NRXN3: variants seen among roughly 807,000 people sequenced by gnomAD.
NRXN3 encodes the protein neurexin III.
A neutral mutation model predicts 137.6 loss-of-function variants in NRXN3; 32 were observed. The ratio of observed to expected loss-of-function variants is 0.23; its 90% CI spans 0.18 to 0.31. The LOEUF (loss-of-function observed/expected upper bound fraction) is 0.31. Among genes scored for constraint, NRXN3 ranks in the 10% least tolerant of loss-of-function variants. The pLI is 1.00. For synonymous variants in NRXN3, 798 were observed against 784.5 expected (o/e 1.02, Z -0.29); for missense variants, 1,574 against 2,062.5 (o/e 0.76, Z 4.59).
intron 15 of NRXN3, among the ~76,000 whole-genome samples, chr14:79,236,926 T>A (rs984455502): frequency 7.2e-5 from 11 of 152,026 alleles, no homozygotes; most frequent in African/African-American, 2.7e-4. Flanking sequence ...ATATATATAT[T>A]TTTAAAAGTG....
At chr14:78,538,776 G>C (rs2096561015) in intron 4 of NRXN3, among the ~76,000 whole-genome samples, 1 of 152,166 alleles carries the variant, frequency 6.6e-6, no homozygotes, top group Non-Finnish European at 1.5e-5. Context: ...TTATTATTTT[G>C]AGATAAGTTC....
At chr14:79,092,527 A>G (rs769176848) in intron 15 of NRXN3, among the ~76,000 whole-genome samples, 7 of 152,176 alleles carry the variant, frequency 4.6e-5, no homozygotes, top group Non-Finnish European at 1.5e-5. Flanking sequence ...TTTTAGTTTT[A>G]ATAAATGGTG....
rs1468609511 is a variant in NRXN3 at position 79,309,738 on chromosome 14, A to G, written c.3263-157483A>G. On this transcript the variant is annotated intron_variant, in intron 15 of 20. Transcript: ENST00000335750. ...GGCTGCATAAATGTCTTCTTTTGAG[A>G]AGTGTCTGTTCATGTCCTTCACCCA... Among the ~76,000 whole-genome samples, 5 of 148,186 alleles carry G rather than the reference A, an allele frequency of 3.4e-5. No individual in the cohort carries two copies. In the East Asian group the frequency reaches 1.0e-3, roughly 30 times the overall value.
chr14:78,815,090 G>A (rs530579705), intron 10 of NRXN3, among the ~76,000 whole-genome samples: 1 of 152,086 alleles, frequency 6.6e-6, no homozygotes, highest in South Asian at 2.1e-4. Flanking sequence ...TTGTGAGTTT[G>A]TGTATAAGCC....
Position 79,013,491 on chromosome 14 carries a change from CA to C in NRXN3, c.3262+25351del, listed in dbSNP as rs1036882714. Among the ~76,000 whole-genome samples, 30 of 152,144 alleles carry C rather than the reference CA, an allele frequency of 2.0e-4. 1 individual carries two copies. The highest frequency in any genetic ancestry group is 6.8e-4 in the African/African-American group (28 of 41,444). Reference sequence around the variant, plus strand: ...TTTCTGTGGGTAGACAATGCCCTCACAGGGGTTATTAACTTCTCCCAGAGAA... The same window carrying C: ...TTTCTGTGGGTAGACAATGCCCTCACGGGGTTATTAACTTCTCCCAGAGAA... On this transcript the variant is annotated intron_variant, in intron 15 of 20. Transcript: ENST00000335750.
At chr14:79,042,436 C>G (rs1191525839) in intron 15 of NRXN3, among the ~76,000 whole-genome samples, 1 of 152,184 alleles carries the variant, frequency 6.6e-6, no homozygotes, top group Non-Finnish European at 1.5e-5. Flanking sequence ...GAGGCTAAGA[C>G]TAGCTAAGTA....
chr14:79,077,497 C>G (rs560610582), intron 15 of NRXN3, among the ~76,000 whole-genome samples: 1 of 152,108 alleles, frequency 6.6e-6, no homozygotes, highest in Non-Finnish European at 1.5e-5. Flanking sequence ...AAATTACTAT[C>G]CTTGTTAATT....
At chr14:79,001,214 T>A (rs1032768636) in intron 15 of NRXN3, among the ~76,000 whole-genome samples, 5 of 152,156 alleles carry the variant, frequency 3.3e-5, no homozygotes, top group Non-Finnish European at 1.5e-5. Flanking sequence ...GACTTCACAG[T>A]CCTTGACAGT....
chr14:78,252,613 C>T (rs909132010), intron 2 of NRXN3, among the ~76,000 whole-genome samples: 1 of 152,156 alleles, frequency 6.6e-6, no homozygotes, highest in Non-Finnish European at 1.5e-5. Flanking sequence ...GTTCTGTTTG[C>T]CCGTGTGAAG....
intron 10 of NRXN3, among the ~76,000 whole-genome samples, chr14:78,924,457 C>A (rs2099279552): frequency 1.3e-5 from 2 of 152,038 alleles, no homozygotes; most frequent in Non-Finnish European, 2.9e-5. Context: ...AAAATACAGA[C>A]ACCAGGATTT....
At chr14:78,595,266 C>T (rs1168007895) in intron 4 of NRXN3, among the ~76,000 whole-genome samples, 1 of 152,130 alleles carries the variant, frequency 6.6e-6, no homozygotes, top group East Asian at 1.9e-4. Context: ...AAATTAATTA[C>T]AATATGAAGC....
intron 15 of NRXN3, among the ~76,000 whole-genome samples, chr14:79,014,549 G>C (rs981341414): frequency 1.3e-5 from 2 of 152,132 alleles, no homozygotes; most frequent in East Asian, 3.9e-4. Flanking sequence ...ATTGTGAATA[G>C]TGCTGCAATG....
intron 15 of NRXN3, among the ~76,000 whole-genome samples, chr14:79,418,950 A>G (rs1242541737): frequency 6.6e-6 from 1 of 152,160 alleles, no homozygotes; most frequent in Non-Finnish European, 1.5e-5. Context: ...AACTATGGGC[A>G]AAAAAGAAAC....
intron 15 of NRXN3, among the ~76,000 whole-genome samples, chr14:79,350,109 A>AAT (rs540814079): frequency 7.4e-4 from 113 of 152,338 alleles, no homozygotes; most frequent in East Asian, 1.9e-3. Flanking sequence ...TATAATCTAT[A>AAT]AGAGTTGCAT....
At chr14:78,924,033 T>G (rs557586274) in intron 10 of NRXN3, among the ~76,000 whole-genome samples, 106 of 152,322 alleles carry the variant, frequency 7.0e-4, no homozygotes, top group Middle Eastern at 3.4e-3. Flanking sequence ...GTGGATCACC[T>G]GAGGCCAGGA....
At chr14:79,137,954 T>G (rs2058412067) in intron 15 of NRXN3, among the ~76,000 whole-genome samples, 1 of 152,204 alleles carries the variant, frequency 6.6e-6, no homozygotes, top group African/African-American at 2.4e-5. Context: ...CATCTGTACC[T>G]ATGGCACGTG....
rs562702476 is a variant in NRXN3 at position 79,394,233 on chromosome 14, T to C, written c.3263-72988T>C. On this transcript the variant is annotated intron_variant, in intron 15 of 20. Transcript: ENST00000335750. ...AGAACACACATGTCACTGAGCTTTG[T>C]TCTGGGGCTGGAAGGAAGTGCAAAT... Among the ~76,000 whole-genome samples the C allele has an allele frequency of 2.6e-5, 4 of 152,332 alleles. No homozygotes were observed. The East Asian group carries it at 7.7e-4, about 29-fold the overall frequency.
At chr14:78,406,511 T>C (rs1447165436) in intron 4 of NRXN3, among the ~76,000 whole-genome samples, 5 of 152,120 alleles carry the variant, frequency 3.3e-5, no homozygotes, top group African/African-American at 1.2e-4. Flanking sequence ...GAATAAATTT[T>C]GCAAAAGGAA....
At chr14:78,179,843 T>G (rs2059647682) in intron 1 of NRXN3, among the ~76,000 whole-genome samples, 3 of 102,284 alleles carry the variant, frequency 2.9e-5, no homozygotes, top group African/African-American at 1.1e-4. Context: ...TGTTTTTTTG[T>G]TTTTTTTTTT....
Sources: gnomAD v4.1 joint callset for allele counts (sites outside exome capture counted in the v4.1 genomes callset) on GRCh38, gnomAD v4.1.1 for gene constraint, MANE v1.5 for transcripts, NCBI Gene and HGNC (gene_info 2026-07-23, HGNC 2026-07-21) for gene names.